Variants in USP40 observed in about 807,000 individuals in gnomAD.
The protein encoded by USP40 is ubiquitin specific peptidase 40, also known as ubiquitin carboxyl-terminal hydrolase 40.
A neutral mutation model predicts 166.2 loss-of-function variants in USP40; 143 were observed. The ratio of observed to expected loss-of-function variants is 0.86; its 90% CI spans 0.75 to 0.99. The LOEUF (loss-of-function observed/expected upper bound fraction) is 0.99. Among genes scored for constraint, USP40 ranks in the 50% least tolerant of loss-of-function variants. USP40 has a pLI of 0.00. For synonymous variants in USP40, 498 were observed against 524.0 expected, an observed-to-expected ratio of 0.95 and a Z score of 0.68; for missense variants, 1,444 against 1,479.7, an observed-to-expected ratio of 0.98 and a Z score of 0.40.
At chr2:233,484,748 G>A (rs1242228753) in intron 30 of USP40, among the ~76,000 whole-genome samples, 1 of 152,152 alleles carries the variant, frequency 6.6e-6, no homozygotes, top group Admixed American at 6.5e-5. Context: ...CTCCCAAAGT[G>A]TTGGCATTAC....
chr2:233,507,056 G>T (rs144751177), intron 21 of USP40, among the ~76,000 whole-genome samples: 1,945 of 152,112 alleles, frequency 0.013, 39 homozygotes, highest in East Asian at 0.084. Flanking sequence ...TGGCCAACAG[G>T]TACGCACACA....
Position 233,493,478 on chromosome 2 carries a change from T to C in USP40, c.2864A>G (p.Gln955Arg). Residue 955 changes from glutamine to arginine, a missense_variant, in exon 25 of 32, where the codon CAG becomes CGG. Coordinates refer to ENST00000678225, the MANE Select transcript of USP40 (RefSeq NM_001365479.2). This position sits in a 1 kb window ranked among gnomAD's most constrained non-coding sequence, Gnocchi z 4.7. ...GCCCCAAGACGAAGTACAGTTGGTCTGGTCCTGATGACTCTCCCAGTGTCC... is the reference window on the plus strand; with the variant it reads ...GCCCCAAGACGAAGTACAGTTGGTCCGGTCCTGATGACTCTCCCAGTGTCC... ...PSGHWESHQD[Q>R]TNCTSSWGRV... 6.2e-7 allele frequency: 1 copy of C among 1,613,994 alleles called. No homozygotes were observed. The highest frequency in any genetic ancestry group is 8.5e-7 in the Non-Finnish European group (1 of 1,179,884).
At position 233,512,481 on chromosome 2, in the gene USP40, T is replaced by G. The variant is rs2066906985; in HGVS notation, c.2437+88A>C. On this transcript the variant is annotated intron_variant, in intron 19 of 31. Transcript: ENST00000678225. ...TATAAATCAGTTTCCAAAAGGTAAT[T>G]TTTAAATATTAGGTATTGGAGGCCA... is the stretch of plus-strand genomic sequence containing the variant. 11 of 813,992 alleles carry G rather than the reference T, an allele frequency of 1.4e-5. No individual in the cohort carries two copies. In the South Asian group the frequency reaches 2.9e-4, roughly 22 times the overall value. 50.4% of individuals were successfully genotyped at this position (813,992 alleles called of 1,614,324 possible).
intron 18 of USP40, among the ~76,000 whole-genome samples, chr2:233,515,329 T>C (rs838555): frequency 0.21 from 31,687 of 152,154 alleles, 3,382 homozygotes; most frequent in African/African-American, 0.22. Context: ...CCATTTTACC[T>C]TCCCATCAGC....
rs531425815 is a variant in USP40, at chr2:233,563,409, G to C, written c.200-606C>G. On this transcript the variant is annotated intron_variant, in intron 2 of 31. Transcript: ENST00000678225. ...TTTGAGAAGTCTGTATCCGAGCCTA[G>C]GTAGGAACTCTTACTGGGAAACTCT... 2.0e-5 allele frequency among the ~76,000 whole-genome samples: 3 copies of C among 152,188 alleles called. No individual in the cohort carries two copies. In the South Asian group the frequency reaches 6.2e-4, roughly 32 times the overall value.
At chr2:233,551,880 A>G (rs2070599188) in intron 6 of USP40, among the ~76,000 whole-genome samples, 1 of 152,208 alleles carries the variant, frequency 6.6e-6, no homozygotes, top group African/African-American at 2.4e-5. Context: ...TAATCAGTGA[A>G]GAACTGGAGC....
At chr2:233,495,564 T>C (rs1269777717) in intron 24 of USP40, among the ~76,000 whole-genome samples, 2 of 152,156 alleles carry the variant, frequency 1.3e-5, no homozygotes, top group Non-Finnish European at 2.9e-5. Flanking sequence ...GCCTACCTTT[T>C]ATCTCTTAAT....
chr2:233,546,324 C>T (rs946122402), intron 8 of USP40: 2 of 152,268 alleles, frequency 1.3e-5, no homozygotes, highest in African/African-American at 2.4e-5. Context: ...ACTCTCAAAA[C>T]ATGCTGCCTC....
At chr2:233,529,987 A>G (rs1199502319) in intron 11 of USP40, among the ~76,000 whole-genome samples, 1 of 151,532 alleles carries the variant, frequency 6.6e-6, no homozygotes, top group Admixed American at 6.6e-5. Context: ...TTTAGCAGAG[A>G]CAGGGTTTCG....
chr2:233,504,090 T>A lies in USP40; in HGVS notation c.2614-4175A>T, dbSNP rs887303882. Among the ~76,000 whole-genome samples the A allele has an allele frequency of 2.6e-5, 4 of 152,054 alleles. No homozygotes were observed. In the East Asian group the frequency reaches 7.7e-4, roughly 29 times the overall value. On this transcript the variant is annotated intron_variant, in intron 21 of 31. Transcript: ENST00000678225. ...GTGAGTTGGATACAGCTTAAAATAG[T>A]CTATTATAAGTACAAGACTCTCTAT...
At chr2:233,536,318 A>G (rs985807924) in intron 10 of USP40, among the ~76,000 whole-genome samples, 1 of 152,228 alleles carries the variant, frequency 6.6e-6, no homozygotes, top group Non-Finnish European at 1.5e-5. Context: ...ATAATATCTG[A>G]AACGTATAGC....
At chr2:233,479,119 A>T (rs747862076) in intron 31 of USP40, among the ~76,000 whole-genome samples, 4 of 152,228 alleles carry the variant, frequency 2.6e-5, no homozygotes, top group Non-Finnish European at 5.9e-5. Flanking sequence ...GAATTTTTAA[A>T]ATGTGCTATC....
rs1381063198 is a variant in USP40, at chr2:233,483,027, CTG to C, written c.3505-1732_3505-1731del. On this transcript the variant is annotated intron_variant, in intron 30 of 31. Coordinates refer to ENST00000678225, the MANE Select transcript of USP40 (RefSeq NM_001365479.2). The stretch of plus-strand genomic sequence containing the variant: ...TTTTGATAACAGATTTGCAGAAGAT[CTG>C]CTGTCTATGCTGGAGAATAACCCTC... 2.2e-4 allele frequency among the ~76,000 whole-genome samples: 33 copies of C among 152,230 alleles called. 1 individual carries two copies. Among genetic ancestry groups the C allele is most frequent in the Non-Finnish European group, 3.8e-4 (26 of 68,046 alleles).
At position 233,485,513 on chromosome 2, in the gene USP40, T is replaced by C. The variant is rs747313933; in HGVS notation, c.3504+18A>G. 8 of 1,596,352 alleles carry C rather than the reference T, an allele frequency of 5.0e-6. No individual in the cohort carries two copies. Among genetic ancestry groups the C allele is most frequent in the Non-Finnish European group, 6.0e-6 (7 of 1,165,672 alleles). On this transcript the variant is annotated intron_variant, in intron 30 of 31. Coordinates refer to ENST00000678225, the MANE Select transcript of USP40 (RefSeq NM_001365479.2). ...TCGTGTCTTCTCAAAGTGGTAAATT[T>C]GCTGTTAAACAACTTACCTTAACAC...
At chr2:233,503,018 T>C (rs573635891) in intron 21 of USP40, among the ~76,000 whole-genome samples, 2 of 152,252 alleles carry the variant, frequency 1.3e-5, no homozygotes, top group African/African-American at 2.4e-5. Flanking sequence ...AAGTCTCCAG[T>C]AACAAACCCC....
At chr2:233,491,088 A>G in intron 26 of USP40, 79 bp downstream of exon 26, 1 of 1,029,260 alleles carries the variant, frequency 9.7e-7, no homozygotes, top group Non-Finnish European at 1.5e-6. Context: ...TTGAGGGAAA[A>G]GGAGATAGAA....
chr2:233,498,648 A>G (rs1377489490), intron 22 of USP40, 36 bp from the exon 23 acceptor site: 1 of 1,580,476 alleles, frequency 6.3e-7, no homozygotes, highest in Non-Finnish European at 8.7e-7. Flanking sequence ...AAAAAAATTC[A>G]AAGTTAGGTG....
At chr2:233,543,643 G>T (rs1247295596) in intron 8 of USP40, among the ~76,000 whole-genome samples, 1 of 152,232 alleles carries the variant, frequency 6.6e-6, no homozygotes, top group East Asian at 1.9e-4. Context: ...TTTCTGCCAT[G>T]TGAGGACACA....
In USP40 at chr2:233,565,556, G is replaced by A. The variant is rs2072069808; in HGVS notation, c.-2C>T. 6.5e-7 allele frequency: 1 copy of A among 1,536,360 alleles called. No individual in the cohort carries two copies. Among genetic ancestry groups the A allele is most frequent in the East Asian group, 2.4e-5 (1 of 41,030 alleles). On this transcript the variant is annotated 5_prime_UTR_variant, in exon 2 of 32. Transcript: ENST00000678225. ...CTCTTCAAACAGGTCCCCAAACATT[G>A]TGAAACTAAATACTACCCTTAAAAA... is the stretch of plus-strand genomic sequence containing the variant.
Sources: allele counts gnomAD v4.1 joint callset (sites outside exome capture counted in the v4.1 genomes callset), GRCh38; gene constraint gnomAD v4.1.1; non-coding constraint Gnocchi (gnomAD v3.1); transcripts MANE v1.5; gene names NCBI Gene and HGNC (gene_info 2026-07-23, HGNC 2026-07-21).